The following DUSP16 variants were observed in gnomAD, a reference collection of about 807,000 sequenced individuals.
DUSP16 encodes dual specificity phosphatase 16.
Under a neutral mutation model 58.3 loss-of-function variants are expected in DUSP16, and 21 were observed. The observed-to-expected ratio is 0.36, with a 90% CI of 0.26 to 0.52. The LOEUF (loss-of-function observed/expected upper bound fraction) is 0.52, where lower values mean the gene tolerates loss of function less well. Among genes scored for constraint, DUSP16 ranks in the 20% least tolerant of loss-of-function variants. DUSP16 has a pLI of 0.94. For missense variants in DUSP16, 726 were observed against 819.0 expected, an observed-to-expected ratio of 0.89 and a Z score of 1.39; for synonymous variants, 320 against 323.8, an observed-to-expected ratio of 0.99 and a Z score of 0.12.
At chr12:12,486,498 GT>G (rs1943686359) in intron 5 of DUSP16, among the ~76,000 whole-genome samples, 5 of 137,880 alleles carry the variant, frequency 3.6e-5, no homozygotes, top group Non-Finnish European at 8.6e-5. Flanking sequence ...GTGTGTGTGT[GT>G]GTGTGTGTGT....
chr12:12,530,067 A>G (rs1402833728), intron 1 of DUSP16, among the ~76,000 whole-genome samples: 3 of 152,092 alleles, frequency 2.0e-5, no homozygotes, highest in Non-Finnish European at 4.4e-5. Context: ...TTCTATTTTT[A>G]ATTTTTTTTG....
intron 1 of DUSP16, among the ~76,000 whole-genome samples, chr12:12,534,473 TC>T (rs886952592): frequency 3.3e-5 from 5 of 152,212 alleles, no homozygotes; most frequent in African/African-American, 1.2e-4. Flanking sequence ...GGTTATTTTT[TC>T]CACTTTGTCC....
chr12:12,489,612 G>C (rs542390094), intron 4 of DUSP16, among the ~76,000 whole-genome samples: 1 of 152,330 alleles, frequency 6.6e-6, no homozygotes, highest in South Asian at 2.1e-4. Context: ...AGAAATTACA[G>C]AAGTTTCTGA....
At chr12:12,478,711 T>A (rs959507142) in intron 6 of DUSP16, among the ~76,000 whole-genome samples, 2 of 152,182 alleles carry the variant, frequency 1.3e-5, no homozygotes, top group Admixed American at 6.5e-5. Flanking sequence ...AAGTACAGTA[T>A]AACAGCCACT....
intron 1 of DUSP16, among the ~76,000 whole-genome samples, chr12:12,559,334 C>T (rs61915577): frequency 1.3e-3 from 205 of 152,290 alleles, no homozygotes; most frequent in Non-Finnish European, 2.5e-3. Context: ...ATGGTTTTTC[C>T]TGTGAAATCT....
chr12:12,553,791 T>G (rs1324539168), intron 1 of DUSP16, among the ~76,000 whole-genome samples: 1 of 151,964 alleles, frequency 6.6e-6, no homozygotes, highest in Non-Finnish European at 1.5e-5. Flanking sequence ...TCCGCCCACC[T>G]CCCCAAGTGC....
At position 12,519,833 on chromosome 12, in the gene DUSP16, A is replaced by G. The variant is rs764860414; in HGVS notation, c.367+29T>C. 1.2e-5 allele frequency: 20 copies of G among 1,612,838 alleles called. No individual in the cohort carries two copies. In the South Asian group the frequency reaches 2.1e-4, roughly 17 times the overall value. ...ACTCATACAGCTCAGCAAGATTCTGAGTCCTTTTAATTCCATCACGAGCCT... is the reference window on the plus strand; with the variant it reads ...ACTCATACAGCTCAGCAAGATTCTGGGTCCTTTTAATTCCATCACGAGCCT... On this transcript the variant is annotated intron_variant, in intron 3 of 6. Coordinates refer to ENST00000298573, the MANE Select transcript of DUSP16 (RefSeq NM_030640.3).
At chr12:12,524,541 A>C (rs978345304) in intron 1 of DUSP16, among the ~76,000 whole-genome samples, 1 of 152,208 alleles carries the variant, frequency 6.6e-6, no homozygotes, top group Non-Finnish European at 1.5e-5. Context: ...CTCTGTAGTT[A>C]CTGTTTTGTT....
chr12:12,562,807 G>A lies in DUSP16; in HGVS notation c.-1056C>T, dbSNP rs1056261980. Among the ~76,000 whole-genome samples the A allele has an allele frequency of 2.0e-5, 3 of 151,600 alleles. No homozygotes were observed. The highest frequency in any genetic ancestry group is 1.3e-4 in the Admixed American group (2 of 15,214). ...AGCCCGGAGCGCGGCTCCGCGCCTC[G>A]TTCCGGCCGCTCGGGGAGGGGTCAG... On this transcript the variant is annotated 5_prime_UTR_variant, in exon 1 of 7. In the 5' UTR this introduces an upstream ATG that the reference lacks. Coordinates refer to ENST00000298573, the MANE Select transcript of DUSP16 (RefSeq NM_030640.3).
At chr12:12,499,836 G>A (rs962109303) in intron 4 of DUSP16, among the ~76,000 whole-genome samples, 1 of 152,106 alleles carries the variant, frequency 6.6e-6, no homozygotes, top group Non-Finnish European at 1.5e-5. Flanking sequence ...AAGCTGTGGA[G>A]TCAGATTATA....
intron 3 of DUSP16, among the ~76,000 whole-genome samples, chr12:12,513,810 A>G (rs1043197065): frequency 3.9e-5 from 6 of 152,200 alleles, no homozygotes; most frequent in African/African-American, 1.4e-4. Context: ...TCCATATGTC[A>G]GCATAAAATA....
chr12:12,552,178 G>A (rs1487919939), intron 1 of DUSP16, among the ~76,000 whole-genome samples: 2 of 152,084 alleles, frequency 1.3e-5, no homozygotes, highest in Non-Finnish European at 2.9e-5. Flanking sequence ...TGGGAGCGGT[G>A]GCTGCGCCTG....
rs1943408498 is a variant in DUSP16, at chr12:12,475,338, T to C, written c.*1495A>G. Reference sequence around the variant, plus strand: ...GATGTTTGAAAGCCAATCTGCACTATCACTTGTTCCAGTGACCTCCTATGT... The same window carrying C: ...GATGTTTGAAAGCCAATCTGCACTACCACTTGTTCCAGTGACCTCCTATGT... On this transcript the variant is annotated 3_prime_UTR_variant, in exon 7 of 7. Transcript: ENST00000298573. 6.6e-6 allele frequency: 1 copy of C among 151,610 alleles called. No individual in the cohort carries two copies. The highest frequency in any genetic ancestry group is 1.5e-5 in the Non-Finnish European group (1 of 67,950). 9.4% of individuals were successfully genotyped at this position (151,610 alleles called of 1,614,324 possible). A position where few individuals can be genotyped will look rare whatever the true frequency, so the allele number is the denominator to read the frequency against.
At chr12:12,509,765 G>C (rs1297686565) in intron 3 of DUSP16, among the ~76,000 whole-genome samples, 1 of 152,106 alleles carries the variant, frequency 6.6e-6, no homozygotes, top group East Asian at 1.9e-4. Flanking sequence ...TTGTTACAAT[G>C]AATAGCTGTT....
intron 6 of DUSP16, among the ~76,000 whole-genome samples, chr12:12,479,452 G>C (rs560572496): frequency 2.0e-5 from 3 of 152,190 alleles, no homozygotes; most frequent in Non-Finnish European, 4.4e-5. Context: ...AGGGAGGTCT[G>C]AACGGCGGCA....
intron 1 of DUSP16, among the ~76,000 whole-genome samples, chr12:12,526,808 A>G (rs1046346846): frequency 6.6e-6 from 1 of 152,152 alleles, no homozygotes; most frequent in African/African-American, 2.4e-5. Context: ...GCTCACACAC[A>G]CAATTTTTTT....
intron 1 of DUSP16, among the ~76,000 whole-genome samples, chr12:12,553,159 C>T (rs903126779): frequency 5.9e-5 from 9 of 152,084 alleles, no homozygotes; most frequent in South Asian, 2.1e-4. Flanking sequence ...TATGGACAGA[C>T]ATAGTCTATA....
intron 1 of DUSP16, chr12:12,560,719 G>C (rs984838112): frequency 6.6e-6 from 1 of 152,178 alleles, no homozygotes; most frequent in East Asian, 1.9e-4. Flanking sequence ...AGGTATTAAA[G>C]AGTAATTAAT....
chr12:12,477,781 T>C lies in DUSP16; in HGVS notation c.1050A>G (p.Ala350=). The C allele has an allele frequency of 6.2e-7, 1 of 1,614,012 alleles. No homozygotes were observed. Among genetic ancestry groups the C allele is most frequent in the Non-Finnish European group, 8.5e-7 (1 of 1,179,980 alleles). The part of the protein sequence containing the change: ...PCADSATSEA[A]GQRPVHPASV... The stretch of plus-strand genomic sequence containing the variant: ...TGGCGGGATGCACGGGCCTTTGTCC[T>C]GCTGCCTCTGAGGTAGCAGAGTCGG... The change falls in exon 7 of 7, where the codon GCA becomes GCG. Residue 350 remains alanine, a synonymous_variant. Coordinates refer to ENST00000298573, the MANE Select transcript of DUSP16 (RefSeq NM_030640.3). The surrounding 1 kb of genome is among the most constrained non-coding windows in gnomAD (Gnocchi z 4.1).
Sources: allele counts gnomAD v4.1 joint callset (sites outside exome capture counted in the v4.1 genomes callset), GRCh38; gene constraint gnomAD v4.1.1; non-coding constraint Gnocchi (gnomAD v3.1); transcripts MANE v1.5; gene names NCBI Gene and HGNC (gene_info 2026-07-23, HGNC 2026-07-21).